The following CDYL2 variants were observed in gnomAD, a reference collection of about 807,000 sequenced individuals.
The protein encoded by CDYL2 is chromodomain Y-like protein 2.
A neutral mutation model predicts 49.4 loss-of-function variants in CDYL2; 23 were observed. The ratio of observed to expected loss-of-function variants is 0.47; its 90% confidence interval spans 0.34 to 0.66. CDYL2 has a LOEUF of 0.66. Among genes scored for constraint, CDYL2 ranks in the 30% least tolerant of loss-of-function variants. The pLI, the probability that CDYL2 is intolerant of heterozygous loss-of-function variation, is 0.01. For missense variants in CDYL2, 678 were observed against 656.4 expected, an observed-to-expected ratio of 1.03 and a Z score of -0.36; for synonymous variants, 360 against 268.8, an observed-to-expected ratio of 1.34 and a Z score of -3.32.
At chr16:80,662,871 T>G (rs1485611967) in intron 2 of CDYL2, 4 of 431,966 alleles carry the variant, frequency 9.3e-6, no homozygotes, top group Non-Finnish European at 1.8e-5. Flanking sequence ...CACCACCAGA[T>G]GGATTCTTAA....
At chr16:80,616,747 T>C (rs1906843752) in intron 4 of CDYL2, among the ~76,000 whole-genome samples, 1 of 152,198 alleles carries the variant, frequency 6.6e-6, no homozygotes, top group Admixed American at 6.5e-5. Context: ...GTACCAGCAG[T>C]AGTGACAACA....
At chr16:80,604,685 A>G (rs1232829499) in intron 6 of CDYL2, 139 bp from the exon 7 acceptor site, 1 of 814,812 alleles carries the variant, frequency 1.2e-6, no homozygotes, top group Admixed American at 2.2e-5. Flanking sequence ...GGGCCTTCCC[A>G]GTCCCATGTT....
chr16:80,646,456 T>A (rs1006334791), intron 2 of CDYL2, among the ~76,000 whole-genome samples: 1 of 151,970 alleles, frequency 6.6e-6, no homozygotes, highest in African/African-American at 2.4e-5. Context: ...AATGTGAATG[T>A]ACTAAACTCT....
intron 2 of CDYL2, among the ~76,000 whole-genome samples, chr16:80,660,690 G>A (rs1017946095): frequency 1.3e-5 from 2 of 152,118 alleles, no homozygotes; most frequent in African/African-American, 4.8e-5. Flanking sequence ...TAATCACACT[G>A]GATAAAATAA....
rs757313605 is a variant in CDYL2 at position 80,600,408 on chromosome 16, T to C, written c.*3980A>G. On this transcript the variant is annotated 3_prime_UTR_variant, in exon 7 of 7. Coordinates refer to ENST00000570137, the MANE Select transcript of CDYL2 (RefSeq NM_152342.4). ...AGTCTGTAAGCATTTCAACCAAAAT[T>C]TGCAGAAATAACTAAGCAACACTTA... 2 of 152,196 alleles carry C rather than the reference T, an allele frequency of 1.3e-5. No homozygotes were observed. Among genetic ancestry groups the C allele is most frequent in the Non-Finnish European group, 2.9e-5 (2 of 68,028 alleles). The allele number at this position is 152,196 out of a possible 1,614,324, so 9.4% of individuals were successfully genotyped here.
In CDYL2 at chr16:80,692,774, C is replaced by T. The variant is rs903230503; in HGVS notation, c.25-7645G>A. ...GGTCAAACATGAAGAAGAGTGAAAA[C>T]TTAACTGAATGATGTCTGCCTTTAT... On this transcript the variant is annotated intron_variant, in intron 1 of 6. Transcript: ENST00000570137. 4.6e-5 allele frequency among the ~76,000 whole-genome samples: 7 copies of T among 152,138 alleles called. No homozygotes were observed. In the South Asian group the frequency reaches 8.3e-4, roughly 18 times the overall value.
intron 1 of CDYL2, among the ~76,000 whole-genome samples, chr16:80,722,545 G>C (rs905231005): frequency 1.3e-5 from 2 of 152,202 alleles, no homozygotes; most frequent in African/African-American, 4.8e-5. Flanking sequence ...CATGTATATT[G>C]TATCTGTAAT....
intron 2 of CDYL2, among the ~76,000 whole-genome samples, chr16:80,680,428 A>C (rs1367093844): frequency 1.3e-5 from 2 of 152,186 alleles, no homozygotes; most frequent in East Asian, 3.9e-4. Flanking sequence ...TCTAGGGCTC[A>C]AAGAGAAACG....
intron 1 of CDYL2, among the ~76,000 whole-genome samples, chr16:80,764,820 T>G (rs916250906): frequency 2.6e-5 from 4 of 151,844 alleles, no homozygotes; most frequent in Admixed American, 1.3e-4. Flanking sequence ...CAGCACTTTG[T>G]GAGGCCGAGG....
intron 1 of CDYL2, among the ~76,000 whole-genome samples, chr16:80,734,620 T>C (rs1905451487): frequency 1.3e-5 from 2 of 152,068 alleles, no homozygotes; most frequent in South Asian, 4.1e-4. Flanking sequence ...ATTAAAGGCA[T>C]GGGGCTTGAA....
intron 1 of CDYL2, among the ~76,000 whole-genome samples, chr16:80,721,420 T>C (rs1429253709): frequency 6.6e-6 from 1 of 152,156 alleles, no homozygotes; most frequent in Admixed American, 6.5e-5. Flanking sequence ...TTCCAAGGCA[T>C]GAGCAGGTTT....
chr16:80,774,801 T>C (rs1907027805), intron 1 of CDYL2, among the ~76,000 whole-genome samples: 1 of 151,432 alleles, frequency 6.6e-6, no homozygotes, highest in Non-Finnish European at 1.5e-5. Context: ...AAGGTCAGAA[T>C]GAGCAAAGCA....
intron 5 of CDYL2, among the ~76,000 whole-genome samples, chr16:80,611,368 G>A (rs957764103): frequency 9.9e-5 from 15 of 152,120 alleles, no homozygotes; most frequent in African/African-American, 2.7e-4. Flanking sequence ...GATGGGACCC[G>A]TGCTTATGAA....
In CDYL2 at chr16:80,724,138, T is replaced by C. The variant is rs913844100; in HGVS notation, c.25-39009A>G. ...GAAAGGAGAAGAAAGAAAGAGGAGA[T>C]AAAAAAGAAGAGAAAGAAGAAGAGG... On this transcript the variant is annotated intron_variant, in intron 1 of 6. Coordinates refer to ENST00000570137, the MANE Select transcript of CDYL2 (RefSeq NM_152342.4). 4.4e-5 allele frequency among the ~76,000 whole-genome samples: 5 copies of C among 113,958 alleles called. No homozygotes were observed. In the Admixed American group the frequency reaches 5.4e-4, roughly 12 times the overall value. 74.8% of individuals were successfully genotyped at this position (113,958 alleles called of 152,430 possible).
intron 2 of CDYL2, among the ~76,000 whole-genome samples, chr16:80,639,223 G>A (rs982160490): frequency 1.3e-5 from 2 of 152,168 alleles, no homozygotes; most frequent in African/African-American, 4.8e-5. Flanking sequence ...AGGATGCCGA[G>A]TGACAGGAAT....
At chr16:80,655,859 G>T (rs1273608186) in intron 2 of CDYL2, among the ~76,000 whole-genome samples, 1 of 152,122 alleles carries the variant, frequency 6.6e-6, no homozygotes, top group Non-Finnish European at 1.5e-5. Context: ...AGCAGTCCTC[G>T]AGGTCCCTCT....
In CDYL2 at chr16:80,667,160, G is replaced by T. The variant is rs187313684; in HGVS notation, c.616+17378C>A. Among the ~76,000 whole-genome samples the T allele has an allele frequency of 1.4e-4, 22 of 152,296 alleles. No homozygotes were observed. In the Middle Eastern group the frequency reaches 0.01, roughly 71 times the overall value. On this transcript the variant is annotated intron_variant, in intron 2 of 6. Transcript: ENST00000570137. ...GATGAGCAGAGGTTACTACTCACGT[G>T]AGGGCTCACAGCGGGAGGCATTCAG...
At chr16:80,660,891 A>C (rs1402058123) in intron 2 of CDYL2, among the ~76,000 whole-genome samples, 1 of 152,176 alleles carries the variant, frequency 6.6e-6, no homozygotes, top group Non-Finnish European at 1.5e-5. Context: ...TGCAGTGTGC[A>C]AGACACAGAA....
At chr16:80,791,747 C>G (rs1907617129) in intron 1 of CDYL2, among the ~76,000 whole-genome samples, 1 of 151,904 alleles carries the variant, frequency 6.6e-6, no homozygotes, top group African/African-American at 2.4e-5. Context: ...CATGCTGTAA[C>G]CAGAGAAATA....
Sources: gnomAD v4.1 joint callset for allele counts (sites outside exome capture counted in the v4.1 genomes callset) on GRCh38, gnomAD v4.1.1 for gene constraint, MANE v1.5 for transcripts, NCBI Gene and HGNC (gene_info 2026-07-23, HGNC 2026-07-21) for gene names.